Variants in KCNJ12 observed in about 807,000 individuals in gnomAD.
KCNJ12 encodes the protein potassium inwardly rectifying channel subfamily J member 12, also known as ATP-sensitive inward rectifier potassium channel 12.
In KCNJ12, 2 loss-of-function variants were observed where a neutral mutation model predicts 22.3. The observed-to-expected ratio is 0.09, with a 90% CI of 0.04 to 0.28. KCNJ12 has a LOEUF of 0.28. Ranked by LOEUF, KCNJ12 falls within the 10% of genes least tolerant of loss-of-function variation. The probability of loss-of-function intolerance (pLI) is 1.00; values close to 1 mark genes in which losing one functional copy is unlikely to be tolerated. For missense variants in KCNJ12, 155 were observed against 633.3 expected (o/e 0.24, Z 8.11); for synonymous variants, 117 against 261.4 (o/e 0.45, Z 5.33).
At chr17:21,380,671 G>T (rs1472439527) in intron 1 of KCNJ12, among the ~76,000 whole-genome samples, 1 of 152,120 alleles carries the variant, frequency 6.6e-6, no homozygotes, top group African/African-American at 2.4e-5. Context: ...TGGGAAGGAG[G>T]GGGTGTGAGC....
intron 2 of KCNJ12, among the ~76,000 whole-genome samples, chr17:21,409,669 T>C (rs80334868): frequency 1.3e-5 from 2 of 152,302 alleles, no homozygotes; most frequent in African/African-American, 4.8e-5. Context: ...GCCCTCTGAA[T>C]GGCAGAGCGT....
chr17:21,414,843 T>TG (rs1173537866), intron 2 of KCNJ12, among the ~76,000 whole-genome samples: 1 of 152,312 alleles, frequency 6.6e-6, no homozygotes, highest in Non-Finnish European at 1.5e-5. Flanking sequence ...CTGCATGTCC[T>TG]GGGGGGCCTC....
At chr17:21,388,237 C>G (rs1905125256) in intron 1 of KCNJ12, among the ~76,000 whole-genome samples, 1 of 152,208 alleles carries the variant, frequency 6.6e-6, no homozygotes, top group South Asian at 2.1e-4. Flanking sequence ...TGTCATCCTC[C>G]TGGGTCTCTA....
chr17:21,412,804 G>A (rs1906441637), intron 2 of KCNJ12, among the ~76,000 whole-genome samples: 1 of 152,308 alleles, frequency 6.6e-6, no homozygotes, highest in East Asian at 1.9e-4. Flanking sequence ...GCCCATGGTG[G>A]GGGACGGCGC....
intron 2 of KCNJ12, among the ~76,000 whole-genome samples, chr17:21,414,304 G>A (rs572341023): frequency 5.1e-4 from 77 of 152,370 alleles, no homozygotes; most frequent in Non-Finnish European, 8.7e-4. Flanking sequence ...GTGAAACCCC[G>A]TCTCTACTTA....
chr17:21,393,144 G>T (rs73308199), intron 1 of KCNJ12, among the ~76,000 whole-genome samples: 66 of 152,138 alleles, frequency 4.3e-4, no homozygotes, highest in African/African-American at 1.6e-3. Flanking sequence ...TACTGGAAAG[G>T]ACGTTTGTCA....
chr17:21,387,406 C>CACTCCAGCCTGGCGACAGAGCGAG (rs1905102928), intron 1 of KCNJ12, among the ~76,000 whole-genome samples: 1 of 134,638 alleles, frequency 7.4e-6, no homozygotes, highest in Admixed American at 8.1e-5. Context: ...CGCGCCATAG[C>CACTCCAGCCTGGCGACAGAGCGAG]ACTCCAGCCT....
chr17:21,379,802 G>T (rs574043469), intron 1 of KCNJ12, among the ~76,000 whole-genome samples: 144 of 152,196 alleles, frequency 9.5e-4, no homozygotes, highest in Middle Eastern at 6.8e-3. Context: ...GGTGGGGGGG[G>T]GCCTGGCAGA....
At chr17:21,394,110 C>T (rs112900624) in intron 1 of KCNJ12, among the ~76,000 whole-genome samples, 2 of 152,156 alleles carry the variant, frequency 1.3e-5, no homozygotes, top group Non-Finnish European at 2.9e-5. Flanking sequence ...ATATCTATCT[C>T]GTGGGGATCT....
At chr17:21,389,270 C>T (rs9893747) in intron 1 of KCNJ12, among the ~76,000 whole-genome samples, 22,500 of 152,218 alleles carry the variant, frequency 0.15, 3,908 homozygotes, top group African/African-American at 0.43. Context: ...CTGGTCCAGG[C>T]ACCTCTTTCT....
intron 1 of KCNJ12, among the ~76,000 whole-genome samples, chr17:21,384,191 C>A (rs988339338): frequency 6.6e-6 from 1 of 152,174 alleles, no homozygotes; most frequent in Non-Finnish European, 1.5e-5. Context: ...CTGCACTATG[C>A]GCACTGCTGT....
At chr17:21,383,923 TA>T (rs1472547662) in intron 1 of KCNJ12, among the ~76,000 whole-genome samples, 6 of 152,098 alleles carry the variant, frequency 3.9e-5, no homozygotes, top group South Asian at 2.1e-4. Context: ...TAACAGTTTT[TA>T]ATTATAAGAG....
chr17:21,377,319 C>A (rs1555557386), intron 1 of KCNJ12, among the ~76,000 whole-genome samples: 1 of 152,090 alleles, frequency 6.6e-6, no homozygotes, highest in Non-Finnish European at 1.5e-5. Context: ...GGAGACCCCG[C>A]GATCGAGGTG....
chr17:21,400,262 G>T (rs1256443618), intron 1 of KCNJ12, among the ~76,000 whole-genome samples: 2 of 152,130 alleles, frequency 1.3e-5, no homozygotes, highest in Admixed American at 1.3e-4. Flanking sequence ...GCCCCACCCT[G>T]TCCCCTTCAG....
chr17:21,393,014 C>T (rs149983090), intron 1 of KCNJ12, among the ~76,000 whole-genome samples: 44 of 152,260 alleles, frequency 2.9e-4, no homozygotes, highest in Admixed American at 7.2e-4. Flanking sequence ...CCCTTCTTTC[C>T]GAGTCCCCTA....
At chr17:21,383,887 C>T (rs558175781) in intron 1 of KCNJ12, among the ~76,000 whole-genome samples, 12 of 152,252 alleles carry the variant, frequency 7.9e-5, no homozygotes, top group South Asian at 2.1e-4. Flanking sequence ...TGAGCCATCA[C>T]GGGCATTGTC....
intron 2 of KCNJ12, among the ~76,000 whole-genome samples, chr17:21,413,298 G>A (rs1906480463): frequency 1.0e-5 from 1 of 98,586 alleles, no homozygotes; most frequent in Non-Finnish European, 2.3e-5. Context: ...TGTAAAGCAG[G>A]GTGGCCCACC....
intron 1 of KCNJ12, among the ~76,000 whole-genome samples, chr17:21,401,478 A>C (rs1320248014): frequency 1.3e-5 from 2 of 152,246 alleles, no homozygotes; most frequent in Non-Finnish European, 2.9e-5. Flanking sequence ...AGCAGGGGTC[A>C]GAGAGTGACA....
chr17:21,387,150 C>A (rs573264613), intron 1 of KCNJ12, among the ~76,000 whole-genome samples: 1 of 141,292 alleles, frequency 7.1e-6, no homozygotes, highest in African/African-American at 2.7e-5. Flanking sequence ...AGCGAGACTC[C>A]GTCTCAAAAA....
Sources: allele counts gnomAD v4.1 joint callset (sites outside exome capture counted in the v4.1 genomes callset), GRCh38; gene constraint gnomAD v4.1.1; transcripts MANE v1.5; gene names NCBI Gene and HGNC (gene_info 2026-07-23, HGNC 2026-07-21).